Variants in PLCG2 observed in about 807,000 individuals in gnomAD.
The protein encoded by PLCG2 is phospholipase C gamma 2.
Under a neutral mutation model 175.6 loss-of-function variants are expected in PLCG2, and 69 were observed. That is an observed-to-expected ratio of 0.39 (90% CI 0.32 to 0.48). The LOEUF is 0.48. Ranked by LOEUF, PLCG2 falls within the 20% of genes least tolerant of loss-of-function variation. The probability of loss-of-function intolerance (pLI) is 0.91; values close to 1 mark genes in which losing one functional copy is unlikely to be tolerated. For missense variants in PLCG2, 1,798 were observed against 1,650.9 expected (o/e 1.09, Z -1.54); for synonymous variants, 827 against 624.0 (o/e 1.33, Z -4.85).
At position 81,908,449 on chromosome 16, in the gene PLCG2, A is replaced by G. The variant is rs200736474; in HGVS notation, c.1591A>G (p.Lys531Glu). The G allele has an allele frequency of 1.9e-6, 3 of 1,613,758 alleles. No individual in the cohort carries two copies. Among genetic ancestry groups the G allele is most frequent in the Non-Finnish European group, 2.5e-6 (3 of 1,179,980 alleles). The change falls in exon 17 of 33, where the codon AAA (lysine) becomes GAA (glutamate). Residue 531 changes from lysine to glutamate, a missense_variant. By Grantham distance (56) the Lys-to-Glu change is moderately conservative. Coordinates refer to ENST00000564138, the MANE Select transcript of PLCG2 (RefSeq NM_002661.5). Reference protein sequence around the residue: ...IPPTELHFGEKWFHKKVEKRT... With the variant: ...IPPTELHFGEEWFHKKVEKRT... ...CCCTACAGAACTACATTTTGGGGAG[A>G]AATGGTTCCACAAGAAGGTGGAGAA... is the stretch of plus-strand genomic sequence containing the variant.
chr16:81,919,330 A>C (rs553894956), intron 19 of PLCG2, among the ~76,000 whole-genome samples, 154 bp from the exon 20 acceptor site: 2 of 152,120 alleles, frequency 1.3e-5, no homozygotes, highest in African/African-American at 4.8e-5. Flanking sequence ...TTGTTTTCTT[A>C]TTGTCTTGTA....
chr16:81,871,808 T>C (rs930957955), intron 7 of PLCG2, among the ~76,000 whole-genome samples: 13 of 152,270 alleles, frequency 8.5e-5, no homozygotes, highest in African/African-American at 3.1e-4. Context: ...GGATTGTTTA[T>C]TGCAGCATTA....
intron 22 of PLCG2, among the ~76,000 whole-genome samples, chr16:81,926,226 C>A (rs1910267215): frequency 6.6e-6 from 1 of 152,174 alleles, no homozygotes; most frequent in South Asian, 2.1e-4. Flanking sequence ...GTCCTGGGGT[C>A]AGACTGTGCT....
intron 13 of PLCG2, among the ~76,000 whole-genome samples, chr16:81,900,302 T>TG (rs1909091963): frequency 6.6e-6 from 1 of 152,138 alleles, no homozygotes; most frequent in Admixed American, 6.5e-5. Context: ...GGTTTGAACT[T>TG]GAAAAAAAGA....
chr16:81,892,035 G>C (rs947955561), intron 11 of PLCG2, among the ~76,000 whole-genome samples: 1 of 152,196 alleles, frequency 6.6e-6, no homozygotes, highest in Non-Finnish European at 1.5e-5. Context: ...CTGGGAGGAA[G>C]ACCTCCATTG....
chr16:81,852,248 C>G (rs527537083), intron 2 of PLCG2: 1 of 152,388 alleles, frequency 6.6e-6, no homozygotes, highest in East Asian at 1.9e-4. Context: ...GTAGTCCTGG[C>G]CAAATAAGTC....
chr16:81,754,585 TCA>T (rs1909884605), intron 1 of PLCG2, among the ~76,000 whole-genome samples: 1 of 149,022 alleles, frequency 6.7e-6, no homozygotes, highest in Non-Finnish European at 1.5e-5. Context: ...GCACAGCACT[TCA>T]CAGTTTGTCA....
intron 15 of PLCG2, among the ~76,000 whole-genome samples, chr16:81,907,052 A>C (rs902055970): frequency 1.8e-4 from 27 of 151,840 alleles, no homozygotes; most frequent in Non-Finnish European, 3.7e-4. Context: ...AAAAAAAAAA[A>C]AAACAGTGCA....
upstream of PLCG2, among the ~76,000 whole-genome samples, chr16:81,774,961 G>C (rs995921240): frequency 6.6e-6 from 1 of 152,054 alleles, no homozygotes; most frequent in African/African-American, 2.4e-5. Flanking sequence ...GTCCAGGCTA[G>C]TCTTGAACTC....
chr16:81,892,662 AC>A (rs1443901657), intron 11 of PLCG2, among the ~76,000 whole-genome samples: 1 of 151,636 alleles, frequency 6.6e-6, no homozygotes, highest in Non-Finnish European at 1.5e-5. Context: ...TAAAAAAAAA[AC>A]TTTTATTTTC....
chr16:81,957,012 TCA>T (rs2143781727), intron 32 of PLCG2, 133 bp downstream of exon 32: 4 of 563,440 alleles, frequency 7.1e-6, no homozygotes, highest in African/African-American at 4.4e-5. Context: ...GCATGGTGGC[TCA>T]CAGGCCAGGC....
At chr16:81,836,731 C>G (rs535688781) in intron 2 of PLCG2, among the ~76,000 whole-genome samples, 5 of 152,328 alleles carry the variant, frequency 3.3e-5, no homozygotes, top group South Asian at 2.1e-4. Flanking sequence ...CAGAGCAACA[C>G]TATGTCTCAA....
chr16:81,871,500 A>T (rs1907513801), intron 7 of PLCG2, among the ~76,000 whole-genome samples: 1 of 151,978 alleles, frequency 6.6e-6, no homozygotes. Context: ...CACCACGCCC[A>T]GCTAATTTTG....
At chr16:81,919,261 G>C (rs982935021) in intron 19 of PLCG2, among the ~76,000 whole-genome samples, 3 of 152,146 alleles carry the variant, frequency 2.0e-5, no homozygotes, top group Non-Finnish European at 1.5e-5. Context: ...TGAGTCACTC[G>C]GCCATATTTC....
In PLCG2 at chr16:81,912,791, C is replaced by T. The variant is rs1044953625; in HGVS notation, c.2054+75C>T. 4 of 1,481,242 alleles carry T rather than the reference C, an allele frequency of 2.7e-6. No individual in the cohort carries two copies. In the African/African-American group the frequency reaches 5.7e-5, roughly 21 times the overall value. 91.8% of individuals were successfully genotyped at this position (1,481,242 alleles called of 1,614,324 possible). ...ACAGATGCGGAGAGACAAGGGGGAACTTCAGGTGGAGGCTCACCTGCAGTG... is the reference window on the plus strand; with the variant it reads ...ACAGATGCGGAGAGACAAGGGGGAATTTCAGGTGGAGGCTCACCTGCAGTG... On this transcript the variant is annotated intron_variant, in intron 19 of 32. Transcript: ENST00000564138.
intron 7 of PLCG2, among the ~76,000 whole-genome samples, chr16:81,874,246 C>T (rs1298171857): frequency 1.3e-5 from 2 of 152,194 alleles, no homozygotes; most frequent in Non-Finnish European, 2.9e-5. Context: ...TCACATCTCG[C>T]CATGGAACGG....
intron 25 of PLCG2, among the ~76,000 whole-genome samples, chr16:81,933,209 T>C (rs2143717953): frequency 6.6e-6 from 1 of 152,350 alleles, no homozygotes; most frequent in South Asian, 2.1e-4. Context: ...GAATGATTTT[T>C]AAAGTCCTGT....
chr16:81,858,729 C>G (rs1285613437), intron 4 of PLCG2, among the ~76,000 whole-genome samples: 5 of 152,176 alleles, frequency 3.3e-5, no homozygotes, highest in African/African-American at 9.7e-5. Flanking sequence ...ATCACTCCCT[C>G]CTGGGTTGAT....
At chr16:81,949,211 C>T (rs569595119) in intron 31 of PLCG2, among the ~76,000 whole-genome samples, 9 of 152,112 alleles carry the variant, frequency 5.9e-5, no homozygotes, top group Non-Finnish European at 1.0e-4. Context: ...GTTAAACAGA[C>T]GGTGGAGAGC....
Sources: gnomAD v4.1 joint callset for allele counts (sites outside exome capture counted in the v4.1 genomes callset) on GRCh38, gnomAD v4.1.1 for gene constraint, MANE v1.5 for transcripts, NCBI Gene and HGNC (gene_info 2026-07-23, HGNC 2026-07-21) for gene names.